The following DPYSL3 variants were observed in gnomAD, a reference collection of about 807,000 sequenced individuals.
DPYSL3 encodes dihydropyrimidinase-related protein 3.
DPYSL3 carries 16 observed loss-of-function variants against 66.1 expected under a neutral mutation model. That is an observed-to-expected ratio of 0.24 (90% CI 0.16 to 0.37). The LOEUF (loss-of-function observed/expected upper bound fraction) is 0.37. Ranked by LOEUF, DPYSL3 falls within the 10% of genes least tolerant of loss-of-function variation. The probability of loss-of-function intolerance (pLI) is 1.00; values close to 1 mark genes in which losing one functional copy is unlikely to be tolerated. For missense variants in DPYSL3, 738 were observed against 916.2 expected, an observed-to-expected ratio of 0.81 and a Z score of 2.51; for synonymous variants, 338 against 345.1, an observed-to-expected ratio of 0.98 and a Z score of 0.23.
chr5:147,421,856 A>T (rs1752086082), intron 2 of DPYSL3, among the ~76,000 whole-genome samples: 1 of 152,226 alleles, frequency 6.6e-6, no homozygotes. Flanking sequence ...TACAAAATTA[A>T]CTCAAGATGG....
intron 1 of DPYSL3, chr5:147,473,278 G>C (rs868618575): frequency 6.6e-6 from 1 of 152,122 alleles, no homozygotes; most frequent in Admixed American, 6.5e-5. Context: ...AGTTTTCCAA[G>C]TAGAATTCCA....
chr5:147,401,441 G>C (rs1758174351), intron 9 of DPYSL3, 99 bp downstream of exon 9: 1 of 1,362,770 alleles, frequency 7.3e-7, no homozygotes. Context: ...TGCAGACTCT[G>C]GTCAAGTTTA....
At chr5:147,423,709 GTT>G in intron 2 of DPYSL3, among the ~76,000 whole-genome samples, 1 of 152,032 alleles carries the variant, frequency 6.6e-6, no homozygotes, top group South Asian at 2.1e-4. Flanking sequence ...TTGTTTGTTT[GTT>G]TGTTTGTTTG....
chr5:147,469,839 T>A (rs1753059437), intron 1 of DPYSL3, among the ~76,000 whole-genome samples: 1 of 152,196 alleles, frequency 6.6e-6, no homozygotes, highest in Non-Finnish European at 1.5e-5. Flanking sequence ...TACAGGATGT[T>A]TCCACCTAGG....
intron 1 of DPYSL3, among the ~76,000 whole-genome samples, chr5:147,485,044 A>G (rs1272423653): frequency 6.6e-6 from 1 of 152,138 alleles, no homozygotes; most frequent in Non-Finnish European, 1.5e-5. Context: ...TTTTTCAACT[A>G]TGTTTTGAGG....
intron 1 of DPYSL3, among the ~76,000 whole-genome samples, chr5:147,448,030 C>T (rs1465956608): frequency 1.3e-5 from 2 of 152,040 alleles, no homozygotes; most frequent in Non-Finnish European, 2.9e-5. Context: ...ACACAAATGG[C>T]CCTATAAAAT....
intron 7 of DPYSL3, 100 bp downstream of exon 7, chr5:147,408,628 A>C: frequency 7.7e-7 from 1 of 1,306,550 alleles, no homozygotes; most frequent in Non-Finnish European, 1.1e-6. Context: ...GGTCTTTGGA[A>C]GAAATGTTCC....
chr5:147,402,353 T>TGTTA (rs398050831), intron 8 of DPYSL3, among the ~76,000 whole-genome samples: 1 of 132,792 alleles, frequency 7.5e-6, no homozygotes, highest in African/African-American at 3.9e-5. Flanking sequence ...TTTTTTTTTT[T>TGTTA]CTTTTTTTTT....
chr5:147,466,482 G>A (rs770473819), intron 1 of DPYSL3, among the ~76,000 whole-genome samples: 47 of 152,250 alleles, frequency 3.1e-4, no homozygotes, highest in Non-Finnish European at 6.2e-4. Flanking sequence ...ACTGAATCCC[G>A]GAACTACCTG....
chr5:147,478,404 A>G (rs545340066), intron 1 of DPYSL3, among the ~76,000 whole-genome samples: 1 of 152,352 alleles, frequency 6.6e-6, no homozygotes, highest in South Asian at 2.1e-4. Flanking sequence ...TTGGTTAGAC[A>G]CACATCATAA....
intron 6 of DPYSL3, among the ~76,000 whole-genome samples, chr5:147,412,010 C>T (rs1751864571): frequency 6.6e-6 from 1 of 152,186 alleles, no homozygotes; most frequent in South Asian, 2.1e-4. Context: ...ATCTGTCCAT[C>T]TATTCCATTA....
rs146528069 is a variant in DPYSL3 at position 147,457,480 on chromosome 5, A to G, written c.382-32517T>C. Among the ~76,000 whole-genome samples, 177 of 152,382 alleles carry G rather than the reference A, an allele frequency of 1.2e-3. 1 individual carries two copies. Among genetic ancestry groups the G allele is most frequent in the African/African-American group, 4.1e-3 (171 of 41,588 alleles). ...TGAAGAAGAACTTTTCTGGAACTAA[A>G]GGGCATGTAGTTAGAATGTAGATTT... is the stretch of plus-strand genomic sequence containing the variant. On this transcript the variant is annotated intron_variant, in intron 1 of 13. Coordinates refer to ENST00000343218, the MANE Select transcript of DPYSL3 (RefSeq NM_001197294.2).
intron 1 of DPYSL3, among the ~76,000 whole-genome samples, chr5:147,490,899 G>A (rs934004977): frequency 6.6e-6 from 1 of 152,212 alleles, no homozygotes; most frequent in African/African-American, 2.4e-5. Flanking sequence ...GCAGGAGCAT[G>A]TGAATTTTAC....
chr5:147,434,842 C>T lies in DPYSL3; in HGVS notation c.382-9879G>A, dbSNP rs371019329. ...CTAGACGATACTGCAATGATAGACA[C>T]ATGACATTTTTCATTTGTTAAGACC... On this transcript the variant is annotated intron_variant, in intron 1 of 13. Coordinates refer to ENST00000343218, the MANE Select transcript of DPYSL3 (RefSeq NM_001197294.2). Among the ~76,000 whole-genome samples, 19 of 152,256 alleles carry T rather than the reference C, an allele frequency of 1.2e-4. No homozygotes were observed. In the East Asian group the frequency reaches 3.5e-3, roughly 28 times the overall value.
At chr5:147,450,075 G>T (rs908408488) in intron 1 of DPYSL3, among the ~76,000 whole-genome samples, 1 of 152,188 alleles carries the variant, frequency 6.6e-6, no homozygotes, top group African/African-American at 2.4e-5. Context: ...ACCAAAAAGA[G>T]TGTGATGGTG....
At chr5:147,425,005 T>C in intron 1 of DPYSL3, 42 bp from the exon 2 acceptor site, 1 of 1,514,410 alleles carries the variant, frequency 6.6e-7, no homozygotes, top group Non-Finnish European at 9.1e-7. Context: ...ACAGGTATGA[T>C]TTCAGAGAAG....
At chr5:147,400,422 C>T (rs936518186) in intron 10 of DPYSL3, among the ~76,000 whole-genome samples, 14 of 152,214 alleles carry the variant, frequency 9.2e-5, no homozygotes, top group Admixed American at 1.3e-4. Context: ...ACAGGCTATT[C>T]GTACACTCAG....
intron 1 of DPYSL3, among the ~76,000 whole-genome samples, chr5:147,441,298 G>A (rs998304052): frequency 5.9e-5 from 9 of 151,442 alleles, no homozygotes; most frequent in African/African-American, 2.2e-4. Context: ...CAGCAGGCTT[G>A]GTTTCTTCTG....
chr5:147,409,543 C>T (rs1751802068), intron 6 of DPYSL3, among the ~76,000 whole-genome samples: 1 of 152,174 alleles, frequency 6.6e-6, no homozygotes, highest in African/African-American at 2.4e-5. Context: ...AAGTTGTGGA[C>T]ATGGCAGAAG....
Sources: gnomAD v4.1 joint callset for allele counts (sites outside exome capture counted in the v4.1 genomes callset) on GRCh38, gnomAD v4.1.1 for gene constraint, MANE v1.5 for transcripts, NCBI Gene and HGNC (gene_info 2026-07-23, HGNC 2026-07-21) for gene names.